Variants in CAMSAP2 observed in about 807,000 individuals in gnomAD.
The protein encoded by CAMSAP2 is calmodulin regulated spectrin associated protein family member 2, also known as calmodulin-regulated spectrin-associated protein 2.
In CAMSAP2, 26 loss-of-function variants were observed where a neutral mutation model predicts 146.1. The observed-to-expected ratio is 0.18, with a 90% CI of 0.13 to 0.25. CAMSAP2 has a LOEUF of 0.25. CAMSAP2 is among the 10% of genes least tolerant of loss of function. The pLI is 1.00. For missense variants in CAMSAP2, 1,381 were observed against 1,759.3 expected, an observed-to-expected ratio of 0.78 and a Z score of 3.85; for synonymous variants, 499 against 596.6, an observed-to-expected ratio of 0.84 and a Z score of 2.38.
intron 3 of CAMSAP2, among the ~76,000 whole-genome samples, chr1:200,814,125 A>AGGGGGGG (rs58043977): frequency 7.6e-4 from 3 of 3,966 alleles, no homozygotes; most frequent in African/African-American, 1.1e-3. Flanking sequence ...AAAAAAAAAA[A>AGGGGGGG]GGTGGCGGGG....
At chr1:200,795,029 A>G (rs1278053705) in intron 2 of CAMSAP2, among the ~76,000 whole-genome samples, 1 of 152,236 alleles carries the variant, frequency 6.6e-6, no homozygotes, top group Non-Finnish European at 1.5e-5. Context: ...GAATTTGCCA[A>G]AGATCACCTA....
chr1:200,852,715 T>G (rs367778974), intron 12 of CAMSAP2, 38 bp downstream of exon 12: 1 of 1,587,612 alleles, frequency 6.3e-7, no homozygotes, highest in East Asian at 2.2e-5. Context: ...GATCTGAACT[T>G]TAATGATGCA....
At chr1:200,765,355 G>A (rs185270860) in intron 2 of CAMSAP2, among the ~76,000 whole-genome samples, 44 of 151,896 alleles carry the variant, frequency 2.9e-4, no homozygotes, top group African/African-American at 8.7e-4. Context: ...TCAGCCTCCC[G>A]AGTAGCTGGG....
intron 3 of CAMSAP2, among the ~76,000 whole-genome samples, chr1:200,810,001 G>A (rs1041673214): frequency 5.3e-5 from 8 of 152,146 alleles, no homozygotes; most frequent in Non-Finnish European, 1.0e-4. Flanking sequence ...AATTGGGTCT[G>A]CTCTCATAAC....
At position 200,803,821 on chromosome 1, in the gene CAMSAP2, C is replaced by T. The variant is rs112332562; in HGVS notation, c.400-3555C>T. Among the ~76,000 whole-genome samples, 1,390 of 152,232 alleles carry T rather than the reference C, an allele frequency of 9.1e-3. 9 individuals carry two copies. Among genetic ancestry groups the T allele is most frequent in the Middle Eastern group, 0.031 (9 of 292 alleles). Reference sequence around the variant, plus strand: ...TTATTTGTGTTTTTACATACTATAACAAGGTAATTTCTAAGTTTTACTTTT... The same window carrying T: ...TTATTTGTGTTTTTACATACTATAATAAGGTAATTTCTAAGTTTTACTTTT... On this transcript the variant is annotated intron_variant, in intron 2 of 16. Coordinates refer to ENST00000358823, the MANE Select transcript of CAMSAP2 (RefSeq NM_203459.4).
chr1:200,792,973 A>G (rs144794675), intron 2 of CAMSAP2, among the ~76,000 whole-genome samples: 201 of 152,328 alleles, frequency 1.3e-3, no homozygotes, highest in African/African-American at 4.7e-3. Context: ...TGAACTTACA[A>G]TGAGCTCAAA....
intron 3 of CAMSAP2, among the ~76,000 whole-genome samples, chr1:200,813,060 C>T (rs1461396646): frequency 1.3e-5 from 2 of 152,172 alleles, no homozygotes; most frequent in Non-Finnish European, 2.9e-5. Context: ...AATGCCTTAG[C>T]CTAGGTAATT....
intron 2 of CAMSAP2, among the ~76,000 whole-genome samples, chr1:200,778,367 T>G (rs572196888): frequency 6.6e-6 from 1 of 152,198 alleles, no homozygotes; most frequent in Admixed American, 6.5e-5. Context: ...AAATACGTAT[T>G]TATTGAGTTG....
rs1442799141 is a variant in CAMSAP2 at position 200,848,142 on chromosome 1, C to G, written c.1373C>G (p.Thr458Ser). The change falls in exon 11 of 17, where the codon ACT becomes AGT. Residue 458 changes from threonine (T) to serine (S), a missense_variant. Thr to Ser is a moderately conservative substitution (Grantham distance 58). Transcript: ENST00000358823. Reference protein sequence around the residue: ...ITRSISNEGLTLNNSHVSKHI... With the variant: ...ITRSISNEGLSLNNSHVSKHI... Reference sequence around the variant, plus strand: ...CGTTCTATTAGTAATGAAGGACTTACTCTGAACAACAGTCATGTATCTAAA... The same window carrying G: ...CGTTCTATTAGTAATGAAGGACTTAGTCTGAACAACAGTCATGTATCTAAA... The G allele has an allele frequency of 6.2e-7, 1 of 1,613,548 alleles. No homozygotes were observed. The highest frequency in any genetic ancestry group is 8.5e-7 in the Non-Finnish European group (1 of 1,179,678).
At chr1:200,854,554 A>G (rs1667702539) in intron 13 of CAMSAP2, among the ~76,000 whole-genome samples, 2 of 152,084 alleles carry the variant, frequency 1.3e-5, no homozygotes, top group South Asian at 2.1e-4. Flanking sequence ...ATCACGTCTC[A>G]TATTAACACT....
At chr1:200,839,987 A>G (rs985643618) in intron 6 of CAMSAP2, among the ~76,000 whole-genome samples, 11 of 152,194 alleles carry the variant, frequency 7.2e-5, no homozygotes, top group African/African-American at 2.4e-4. Flanking sequence ...TTCAATTAGT[A>G]TGTATCTGTA....
At position 200,849,152 on chromosome 1, in the gene CAMSAP2, G is replaced by A; in HGVS notation, c.2383G>A (p.Gly795Arg). 2.5e-6 allele frequency: 4 copies of A among 1,614,130 alleles called. No individual in the cohort carries two copies. The highest frequency in any genetic ancestry group is 1.7e-6 in the Non-Finnish European group (2 of 1,180,018). The part of the protein sequence containing the change: ...TAFLTVVKKK[G>R]DGISPLREEA... ...ATTCCTTACTGTAGTGAAAAAGAAA[G>A]GGGATGGGATATCTCCTCTACGAGA... Residue 795 changes from glycine to arginine, a missense_variant, in exon 11 of 17, where the codon GGG (glycine) becomes AGG (arginine). By Grantham distance (125) the Gly-to-Arg change is moderately radical. This residue lies in a region of CAMSAP2 where 560 missense variants were observed against 715.9 expected (regional missense o/e 0.78). Coordinates refer to ENST00000358823, the MANE Select transcript of CAMSAP2 (RefSeq NM_203459.4). The surrounding 1 kb of genome is among the most constrained non-coding windows in gnomAD (Gnocchi z 6.3).
At chr1:200,748,269 C>T (rs1051288586) in intron 1 of CAMSAP2, among the ~76,000 whole-genome samples, 9 of 152,164 alleles carry the variant, frequency 5.9e-5, no homozygotes, top group African/African-American at 2.2e-4. Flanking sequence ...GAAACAAATT[C>T]CAAACATCAT....
Position 200,824,499 on chromosome 1 carries a change from A to G in CAMSAP2, c.646-7701A>G, listed in dbSNP as rs1487100900. Among the ~76,000 whole-genome samples the G allele has an allele frequency of 2.0e-5, 3 of 152,152 alleles. No homozygotes were observed. The East Asian group carries it at 5.8e-4, about 29-fold the overall frequency. ...TAAAAATACACAAACATGAGTTCAT[A>G]TATAAACCTCCAATTCCAATCAAAC... On this transcript the variant is annotated intron_variant, in intron 4 of 16. Transcript: ENST00000358823.
chr1:200,799,404 G>A (rs1290661198), intron 2 of CAMSAP2, among the ~76,000 whole-genome samples: 5 of 152,144 alleles, frequency 3.3e-5, no homozygotes, highest in Admixed American at 1.3e-4. Flanking sequence ...TCTTGGGAGG[G>A]AGTATGTGTC....
At chr1:200,791,885 G>A (rs1471105877) in intron 2 of CAMSAP2, among the ~76,000 whole-genome samples, 2 of 151,870 alleles carry the variant, frequency 1.3e-5, no homozygotes, top group Non-Finnish European at 2.9e-5. Flanking sequence ...AGAATCGCTT[G>A]AACCCAGGAG....
At chr1:200,819,379 T>A (rs557924795) in intron 4 of CAMSAP2, among the ~76,000 whole-genome samples, 2 of 152,346 alleles carry the variant, frequency 1.3e-5, no homozygotes, top group Admixed American at 1.3e-4. Flanking sequence ...ATAATTTTTT[T>A]ATAAGTTGCA....
At position 200,815,577 on chromosome 1, in the gene CAMSAP2, A is replaced by G; in HGVS notation, c.578A>G (p.Lys193Arg). 6.4e-7 allele frequency: 1 copy of G among 1,550,464 alleles called. No homozygotes were observed. The highest frequency in any genetic ancestry group is 8.7e-7 in the Non-Finnish European group (1 of 1,145,556). The change falls in exon 4 of 17, where the codon AAA becomes AGA. Residue 193 changes from lysine (K) to arginine (R), a missense_variant. Physicochemically the swap from Lys to Arg is conservative, Grantham distance 26 (BLOSUM62 2). Transcript: ENST00000358823. ...TATTTTAAGGTAAATGAACATTTGAAAGACATAATGGAACAAGAACAAAAA... is the reference window on the plus strand; with the variant it reads ...TATTTTAAGGTAAATGAACATTTGAGAGACATAATGGAACAAGAACAAAAA... The part of the protein sequence containing the change: ...YWINKVNEHL[K>R]DIMEQEQKLK...
intron 4 of CAMSAP2, among the ~76,000 whole-genome samples, chr1:200,827,402 TTC>T (rs1666931948): frequency 6.6e-6 from 1 of 152,210 alleles, no homozygotes; most frequent in African/African-American, 2.4e-5. Context: ...TTTTTAAAAT[TTC>T]TGTTACAAAT....
Sources: allele counts gnomAD v4.1 joint callset (sites outside exome capture counted in the v4.1 genomes callset), GRCh38; gene constraint gnomAD v4.1.1; regional missense constraint gnomAD v4.1.1; non-coding constraint Gnocchi (gnomAD v3.1); transcripts MANE v1.5; gene names NCBI Gene and HGNC (gene_info 2026-07-23, HGNC 2026-07-21).